PDE10A: variants seen among roughly 807,000 people sequenced by gnomAD.
The protein encoded by PDE10A is cAMP and cAMP-inhibited cGMP 3',5'-cyclic phosphodiesterase 10A.
Under a neutral mutation model 97.7 loss-of-function variants are expected in PDE10A, and 39 were observed. The ratio of observed to expected loss-of-function variants is 0.40; its 90% confidence interval spans 0.31 to 0.52. PDE10A has a LOEUF of 0.52. Ranked by LOEUF, PDE10A falls within the 20% of genes least tolerant of loss-of-function variation. The probability of loss-of-function intolerance (pLI) is 0.56; values close to 1 mark genes in which losing one functional copy is unlikely to be tolerated. For missense variants in PDE10A, 731 were observed against 1,047.8 expected (o/e 0.70, Z 4.17); for synonymous variants, 371 against 376.8 (o/e 0.98, Z 0.18).
At chr6:165,396,609 G>T in intron 13 of PDE10A, 150 bp from the exon 14 acceptor site, 1 of 682,106 alleles carries the variant, frequency 1.5e-6, no homozygotes, top group Non-Finnish European at 2.3e-6. Flanking sequence ...ATATGCACTG[G>T]GATGTGCAGA....
chr6:165,949,763 T>A (rs1489269885), intron 1 of PDE10A: 1 of 152,214 alleles, frequency 6.6e-6, no homozygotes, highest in East Asian at 1.9e-4. Context: ...ATAAAAGTAT[T>A]CTGTCGTGGT....
At chr6:165,881,087 T>C (rs1781459324) in intron 1 of PDE10A, among the ~76,000 whole-genome samples, 1 of 152,216 alleles carries the variant, frequency 6.6e-6, no homozygotes, top group African/African-American at 2.4e-5. Context: ...AAAACCAGAC[T>C]TTGAAAAGAC....
chr6:165,626,762 C>T (rs9365897), intron 1 of PDE10A, among the ~76,000 whole-genome samples: 74,094 of 148,646 alleles, frequency 0.5, 20,473 homozygotes, highest in East Asian at 0.71. Context: ...GGTGGGGCGG[C>T]GGGGGGAAGT....
intron 1 of PDE10A, among the ~76,000 whole-genome samples, chr6:165,815,537 G>T (rs1779385997): frequency 6.6e-6 from 1 of 152,192 alleles, no homozygotes. Flanking sequence ...CAAGGCCTCA[G>T]ATGTTGTGAA....
intron 1 of PDE10A, among the ~76,000 whole-genome samples, chr6:165,623,705 T>C (rs1455645685): frequency 6.6e-6 from 1 of 152,090 alleles, no homozygotes; most frequent in Non-Finnish European, 1.5e-5. Context: ...CGGAACCCAA[T>C]GGTGGGCTTT....
chr6:165,518,134 G>C lies in PDE10A; in HGVS notation c.994+25306C>G, dbSNP rs528684929. On this transcript the variant is annotated intron_variant, in intron 2 of 21. Transcript: ENST00000539869. Reference sequence around the variant, plus strand: ...CACTCTGATGTTGCTAGAAAACACTGACTTCTAAAAATCACAGCTTCGTTC... The same window carrying C: ...CACTCTGATGTTGCTAGAAAACACTCACTTCTAAAAATCACAGCTTCGTTC... Among the ~76,000 whole-genome samples the C allele has an allele frequency of 1.9e-4, 29 of 152,268 alleles. No individual in the cohort carries two copies. In the East Asian group the frequency reaches 5.0e-3, roughly 26 times the overall value.
In PDE10A at chr6:165,644,032, A is replaced by G. The variant is rs1789270614; in HGVS notation, c.865+17915T>C. 3.3e-5 allele frequency among the ~76,000 whole-genome samples: 5 copies of G among 152,268 alleles called. No homozygotes were observed. The South Asian group carries it at 1.0e-3, about 32-fold the overall frequency. On this transcript the variant is annotated intron_variant, in intron 1 of 21. Coordinates refer to ENST00000539869, the MANE Select transcript of PDE10A (RefSeq NM_001385079.1). ...AAGTACGACTGGCAGACCTGTTGTC[A>G]GGTAGACATCCTCAGAAAAATTCAT... is the stretch of plus-strand genomic sequence containing the variant.
intron 1 of PDE10A, among the ~76,000 whole-genome samples, chr6:165,548,402 A>G (rs1200656331): frequency 6.6e-6 from 1 of 151,130 alleles, no homozygotes; most frequent in Non-Finnish European, 1.5e-5. Context: ...TTGGTCCAAT[A>G]ATATTCCCTC....
chr6:165,362,885 T>C (rs1014451001), intron 18 of PDE10A, among the ~76,000 whole-genome samples: 4 of 152,194 alleles, frequency 2.6e-5, no homozygotes, highest in South Asian at 2.1e-4. Context: ...ATATCTATCA[T>C]AGGAATGCAA....
chr6:165,390,325 G>T (rs1785615549), intron 16 of PDE10A, among the ~76,000 whole-genome samples: 1 of 152,160 alleles, frequency 6.6e-6, no homozygotes, highest in South Asian at 2.1e-4. Flanking sequence ...ATTTTCTGGG[G>T]TGTTAAGGTC....
intron 2 of PDE10A, among the ~76,000 whole-genome samples, chr6:165,513,101 T>C (rs1055647133): frequency 1.1e-4 from 16 of 152,050 alleles, no homozygotes. Flanking sequence ...TGGACTGTGC[T>C]TTTGGTGGCA....
intron 1 of PDE10A, among the ~76,000 whole-genome samples, chr6:165,917,682 G>A (rs1325110980): frequency 6.6e-6 from 1 of 152,242 alleles, no homozygotes; most frequent in Non-Finnish European, 1.5e-5. Context: ...TTTGTGCGGC[G>A]GAGCCCGCTG....
chr6:165,567,173 T>C (rs1032405341), intron 1 of PDE10A, among the ~76,000 whole-genome samples: 5 of 152,174 alleles, frequency 3.3e-5, no homozygotes, highest in South Asian at 2.1e-4. Context: ...AAACATAATG[T>C]TGAACAAAAG....
intron 1 of PDE10A, among the ~76,000 whole-genome samples, chr6:165,796,091 CTTTTTTTTTTTTTT>C: frequency 9.2e-6 from 1 of 108,796 alleles, no homozygotes; most frequent in East Asian, 2.8e-4. Flanking sequence ...TTTTTCTTTT[CTTTTTTTTTTTTTT>C]TTTTTTTTGA....
intron 1 of PDE10A, among the ~76,000 whole-genome samples, chr6:165,595,378 G>T (rs1165502979): frequency 2.6e-5 from 4 of 152,182 alleles, no homozygotes; most frequent in African/African-American, 9.7e-5. Flanking sequence ...CACACAGATG[G>T]ACATCTGCAA....
At chr6:165,786,116 G>A (rs1778486288) in intron 1 of PDE10A, among the ~76,000 whole-genome samples, 1 of 152,186 alleles carries the variant, frequency 6.6e-6, no homozygotes, top group Non-Finnish European at 1.5e-5. Flanking sequence ...TCGATTTATT[G>A]AGTCTGCTGC....
chr6:165,607,627 T>C (rs753327280), intron 1 of PDE10A, among the ~76,000 whole-genome samples: 5 of 152,178 alleles, frequency 3.3e-5, no homozygotes, highest in African/African-American at 7.2e-5. Flanking sequence ...GACACATAAC[T>C]GTATTTAAAT....
At chr6:165,956,367 T>C (rs1173718109) in intron 1 of PDE10A, among the ~76,000 whole-genome samples, 4 of 152,198 alleles carry the variant, frequency 2.6e-5, no homozygotes, top group Non-Finnish European at 5.9e-5. Flanking sequence ...AAACCCTATT[T>C]AGGTGACTTG....
chr6:165,390,549 G>C (rs936773465), intron 16 of PDE10A, among the ~76,000 whole-genome samples: 1 of 152,150 alleles, frequency 6.6e-6, no homozygotes. Flanking sequence ...AGGGGTGAAA[G>C]CATGATAATG....
Sources: gnomAD v4.1 joint callset for allele counts (sites outside exome capture counted in the v4.1 genomes callset) on GRCh38, gnomAD v4.1.1 for gene constraint, MANE v1.5 for transcripts, NCBI Gene and HGNC (gene_info 2026-07-23, HGNC 2026-07-21) for gene names.